The following GAD1 variants were observed in gnomAD, a reference collection of about 807,000 sequenced individuals.
The protein encoded by GAD1 is glutamate decarboxylase 1, also known as 67 kDa glutamic acid decarboxylase.
Under a neutral mutation model 75.2 loss-of-function variants are expected in GAD1, and 35 were observed. That is an observed-to-expected ratio of 0.47 (90% CI 0.36 to 0.62). GAD1 has a LOEUF of 0.62. GAD1 is among the 20% of genes least tolerant of loss of function. The pLI, the probability that GAD1 is intolerant of heterozygous loss-of-function variation, is 0.00. For synonymous variants in GAD1, 257 were observed against 271.9 expected, an observed-to-expected ratio of 0.95 and a Z score of 0.54; for missense variants, 490 against 758.5, an observed-to-expected ratio of 0.65 and a Z score of 4.16.
intron 1 of GAD1, 177 bp downstream of exon 1, chr2:170,817,225 A>ACCCCCCCC (rs3049870): frequency 6.5e-5 from 1 of 15,472 alleles, no homozygotes. Context: ...CTGCGCAGGG[A>ACCCCCCCC]CCCCCCCCCC....
upstream of GAD1, chr2:170,816,348 G>A (rs4667659): frequency 0.021 from 3,242 of 152,372 alleles, 135 homozygotes; most frequent in Admixed American, 0.1. Context: ...CCTCCTTTGC[G>A]GTTACAACAA....
At chr2:170,825,143 T>G (rs1256792618) in intron 3 of GAD1, among the ~76,000 whole-genome samples, 1 of 152,104 alleles carries the variant, frequency 6.6e-6, no homozygotes, top group Non-Finnish European at 1.5e-5. Context: ...CCCAACACTT[T>G]GGGAGGCCAA....
chr2:170,836,486 A>G (rs1388208948), intron 5 of GAD1, among the ~76,000 whole-genome samples: 2 of 152,192 alleles, frequency 1.3e-5, no homozygotes, highest in South Asian at 2.1e-4. Context: ...ATTTTACTAT[A>G]TATATATTGG....
chr2:170,820,434 C>A (rs559082126), intron 2 of GAD1, among the ~76,000 whole-genome samples: 1 of 152,244 alleles, frequency 6.6e-6, no homozygotes, highest in African/African-American at 2.4e-5. Context: ...AGCCTAGCTA[C>A]GCATCCGCAC....
intron 6 of GAD1, 81 bp from the exon 7 acceptor site, chr2:170,843,964 C>G (rs916373488): frequency 1.3e-6 from 1 of 799,576 alleles, no homozygotes; most frequent in Non-Finnish European, 2.2e-6. Context: ...ACTACAAATA[C>G]TAAACCAATC....
At chr2:170,846,115 G>T (rs777510363) in intron 10 of GAD1, 52 bp downstream of exon 10, 4 of 1,423,036 alleles carry the variant, frequency 2.8e-6, no homozygotes, top group Non-Finnish European at 4.0e-6. Flanking sequence ...CCTTCTTTCT[G>T]TCCTAGACAA....
In GAD1 at chr2:170,842,896, T is replaced by C. The variant is rs3749032; in HGVS notation, c.639-1149T>C. 24 of 577,138 alleles carry C rather than the reference T, an allele frequency of 4.2e-5. No individual in the cohort carries two copies. In the East Asian group the frequency reaches 5.0e-4, roughly 12 times the overall value. The allele number at this position is 577,138 out of a possible 1,614,324, so 35.8% of individuals were successfully genotyped here. A position where few individuals can be genotyped will look rare whatever the true frequency, so the allele number is the denominator to read the frequency against. On this transcript the variant is annotated intron_variant, in intron 6 of 16. Coordinates refer to ENST00000358196, the MANE Select transcript of GAD1 (RefSeq NM_000817.3). ...ACAATAGTTATCTCATCCTTACAAA[T>C]AGCTTTGCCTTACATTAAGCAAGCA...
chr2:170,814,788 C>T (rs946844190), upstream of GAD1, among the ~76,000 whole-genome samples: 4 of 152,192 alleles, frequency 2.6e-5, no homozygotes, highest in Admixed American at 6.5e-5. Context: ...CGTTACCTAG[C>T]CTTGCAGGAG....
chr2:170,844,208 C>A (rs767216424), intron 7 of GAD1, 51 bp downstream of exon 7: 2 of 1,048,106 alleles, frequency 1.9e-6, no homozygotes, highest in South Asian at 1.3e-5. Flanking sequence ...CTTAAGAATA[C>A]AAAATATGAA....
chr2:170,826,908 T>C (rs1018020167), intron 3 of GAD1, among the ~76,000 whole-genome samples: 1 of 152,228 alleles, frequency 6.6e-6, no homozygotes, highest in East Asian at 1.9e-4. Flanking sequence ...GGCAAATGAG[T>C]GCTGGCTCCT....
At chr2:170,840,657 G>A (rs536665097) in intron 6 of GAD1, among the ~76,000 whole-genome samples, 1 of 77,232 alleles carries the variant, frequency 1.3e-5, no homozygotes, top group East Asian at 4.7e-4. Flanking sequence ...GGGAGGTAGG[G>A]AAGGGAGGGA....
At chr2:170,855,872 C>CAAAAAAAAAAAAAAAAAA (rs71008727) in intron 14 of GAD1, among the ~76,000 whole-genome samples, 1 of 111,674 alleles carries the variant, frequency 9.0e-6, no homozygotes, top group African/African-American at 4.4e-5. Context: ...GACTCCATCT[C>CAAAAAAAAAAAAAAAAAA]AAAAAAAAAA....
At chr2:170,852,145 T>C (rs1186817751) in intron 12 of GAD1, among the ~76,000 whole-genome samples, 4 of 152,202 alleles carry the variant, frequency 2.6e-5, no homozygotes, top group African/African-American at 9.6e-5. Flanking sequence ...TCTGTGACTT[T>C]GGGTAATATA....
At chr2:170,856,161 C>G (rs541005233) in intron 14 of GAD1, among the ~76,000 whole-genome samples, 1 of 152,292 alleles carries the variant, frequency 6.6e-6, no homozygotes, top group African/African-American at 2.4e-5. Flanking sequence ...TTGCTCAGGC[C>G]CATTAGCAAT....
upstream of GAD1, among the ~76,000 whole-genome samples, chr2:170,814,007 C>G (rs1701655205): frequency 6.6e-6 from 1 of 152,184 alleles, no homozygotes. Flanking sequence ...CACTCCCTTC[C>G]GGGCCACCCC....
intron 11 of GAD1, chr2:170,848,881 A>T: frequency 2.1e-6 from 1 of 481,080 alleles, no homozygotes; most frequent in South Asian, 1.5e-5. Flanking sequence ...GTTTTTCAGG[A>T]GCTGTTAGAA....
At chr2:170,837,194 G>T (rs563320923) in intron 6 of GAD1, among the ~76,000 whole-genome samples, 2 of 152,088 alleles carry the variant, frequency 1.3e-5, no homozygotes, top group Non-Finnish European at 2.9e-5. Flanking sequence ...ATGTTTTGAG[G>T]TATGATCTTG....
At chr2:170,848,967 CTG>C (rs1702695562) in intron 11 of GAD1, 1 of 442,092 alleles carries the variant, frequency 2.3e-6, no homozygotes, top group African/African-American at 2.0e-5. Context: ...GGGGGACTCA[CTG>C]TGTTGGCTTT....
rs1702251830 is a variant in GAD1 at position 170,832,320 on chromosome 2, G to T, written c.547+1128G>T. ...TCTTTACCAGCTTCCAGGTGTTGTG[G>T]ATATTCCTTGGCATTTGTTGGCTTG... On this transcript the variant is annotated intron_variant, in intron 5 of 16. Coordinates refer to ENST00000358196, the MANE Select transcript of GAD1 (RefSeq NM_000817.3). 2.0e-5 allele frequency among the ~76,000 whole-genome samples: 3 copies of T among 152,108 alleles called. No homozygotes were observed. In the South Asian group the frequency reaches 6.2e-4, roughly 32 times the overall value.
Sources: gnomAD v4.1 joint callset for allele counts (sites outside exome capture counted in the v4.1 genomes callset) on GRCh38, gnomAD v4.1.1 for gene constraint, MANE v1.5 for transcripts, NCBI Gene and HGNC (gene_info 2026-07-23, HGNC 2026-07-21) for gene names.